Variants in DLEC1 observed in about 807,000 individuals in gnomAD.
The protein encoded by DLEC1 is DLEC1 cilia and flagella associated protein.
DLEC1 carries 146 observed loss-of-function variants against 198.1 expected under a neutral mutation model. The observed-to-expected ratio is 0.74, with a 90% CI of 0.64 to 0.85. The LOEUF is 0.85. Ranked by LOEUF, DLEC1 falls within the 40% of genes least tolerant of loss-of-function variation. DLEC1 has a pLI of 0.00. For synonymous variants in DLEC1, 897 were observed against 866.8 expected, an observed-to-expected ratio of 1.03 and a Z score of -0.61; for missense variants, 2,233 against 2,220.0, an observed-to-expected ratio of 1.01 and a Z score of -0.12.
rs766441689 is a variant in DLEC1, at chr3:38,117,028, G to C, written c.4233G>C (p.Val1411=). 3.7e-6 allele frequency: 6 copies of C among 1,614,064 alleles called. No homozygotes were observed. In the Admixed American group the frequency reaches 1.0e-4, roughly 27 times the overall value. The change falls in exon 30 of 37, where the codon GTG becomes GTC. Residue 1411 remains valine (V), a synonymous_variant. Transcript: ENST00000308059. ...TCTACATCTCCTTCACCCCTATGGT[G>C]CTCAGCCCTGAGATCCTGCACAAGG... The part of the protein sequence containing the change: ...STIYISFTPM[V]LSPEILHKVE...
intron 18 of DLEC1, among the ~76,000 whole-genome samples, chr3:38,098,710 A>G (rs1047741264): frequency 6.6e-6 from 1 of 152,120 alleles, no homozygotes; most frequent in Non-Finnish European, 1.5e-5. Flanking sequence ...CCCAGGGAAG[A>G]CAATCCAAGC....
chr3:38,090,288 G>T (rs1344432843), intron 10 of DLEC1, among the ~76,000 whole-genome samples: 1 of 152,182 alleles, frequency 6.6e-6, no homozygotes, highest in Non-Finnish European at 1.5e-5. Flanking sequence ...GCCATCCAGA[G>T]GCCATACCTG....
At chr3:38,043,745 G>A (rs1227856110) in intron 1 of DLEC1, among the ~76,000 whole-genome samples, 3 of 152,036 alleles carry the variant, frequency 2.0e-5, no homozygotes, top group South Asian at 2.1e-4. Context: ...CCAGGCTGCA[G>A]TGCAATGGCA....
At chr3:38,041,571 G>A (rs566042053) in intron 1 of DLEC1, among the ~76,000 whole-genome samples, 2 of 152,002 alleles carry the variant, frequency 1.3e-5, no homozygotes, top group Non-Finnish European at 2.9e-5. Context: ...CTATGCGGCC[G>A]GGCGTGGTGG....
In DLEC1 at chr3:38,062,242, C is replaced by T. The variant is rs765051280; in HGVS notation, c.747C>T (p.Asn249=). Residue 249 remains asparagine, a synonymous_variant, in exon 4 of 37, where the codon AAC becomes AAT. Transcript: ENST00000308059. Reference sequence around the variant, plus strand: ...GTTCCGTCCAGAAGAAAGAGCTGAACAAGAAGCTTGAAGATTCATGCAGGA... The same window carrying T: ...GTTCCGTCCAGAAGAAAGAGCTGAATAAGAAGCTTGAAGATTCATGCAGGA... The part of the protein sequence containing the change: ...EKRSVQKKEL[N]KKLEDSCRKK... 4 of 1,614,214 alleles carry T rather than the reference C, an allele frequency of 2.5e-6. 1 individual carries two copies. The East Asian group carries it at 8.9e-5, about 36-fold the overall frequency.
At chr3:38,099,647 C>T (rs202173) in intron 18 of DLEC1, among the ~76,000 whole-genome samples, 1 of 152,126 alleles carries the variant, frequency 6.6e-6, no homozygotes. Flanking sequence ...AGTGTCCTCT[C>T]TCAGTCAGGG....
chr3:38,087,697 G>T (rs1442557831), intron 9 of DLEC1, among the ~76,000 whole-genome samples: 3 of 152,260 alleles, frequency 2.0e-5, no homozygotes, highest in African/African-American at 7.2e-5. Context: ...GATACATCTA[G>T]AGGATGACAT....
rs1273964924 is a variant in DLEC1 at position 38,039,919 on chromosome 3, G to T, written c.411+283G>T. ...TTATATATTGCATATATCAATGAAC[G>T]ACTGCGGCAGACCGCTGAATAGTTG... On this transcript the variant is annotated intron_variant, in intron 1 of 36. Transcript: ENST00000308059. Among the ~76,000 whole-genome samples, 3 of 152,208 alleles carry T rather than the reference G, an allele frequency of 2.0e-5. No homozygotes were observed. The South Asian group carries it at 6.2e-4, about 32-fold the overall frequency.
rs751874598 is a variant in DLEC1, at chr3:38,039,375, CT to C, written c.151del (p.Tyr51ThrfsTer63). 2.5e-6 allele frequency: 4 copies of C among 1,614,240 alleles called. No homozygotes were observed. In the South Asian group the frequency reaches 4.4e-5, roughly 18 times the overall value. On this transcript the variant is annotated frameshift_variant, in exon 1 of 37. Transcript: ENST00000308059. LOFTEE classifies it high-confidence loss of function. ...WKSSLYSSLAYSEAFHYSFAA... is the reference protein window; with the variant it reads ...WKSSLYSSLAXSEAFHYSFAA... ...AGTCCTCCTTGTATTCCTCCCTCGC[CT>C]ACTCTGAGGCCTTCCACTACAGCTT...
chr3:38,104,482 A>AT lies in DLEC1; in HGVS notation c.2865-3089dup, dbSNP rs1325721484. ...CCCCACCCCATCCCCCCAAAAAAAG[A>AT]TTTTTTTTTTTTTCTCAGTTTTGGT... On this transcript the variant is annotated intron_variant, in intron 19 of 36. Transcript: ENST00000308059. Among the ~76,000 whole-genome samples, 293 of 144,288 alleles carry AT rather than the reference A, an allele frequency of 2.0e-3. 1 individual carries two copies. Among genetic ancestry groups the AT allele is most frequent in the Admixed American group, 4.7e-3 (68 of 14,440 alleles). The allele number at this position is 144,288 out of a possible 152,430, so 94.7% of individuals were successfully genotyped here.
chr3:38,102,906 C>T (rs3792523), intron 19 of DLEC1, among the ~76,000 whole-genome samples: 15,239 of 152,216 alleles, frequency 0.1, 968 homozygotes, highest in East Asian at 0.23. Flanking sequence ...TCTGCCCTGG[C>T]CTCTCTCCAG....
intron 2 of DLEC1, among the ~76,000 whole-genome samples, chr3:38,056,915 A>G (rs1696401244): frequency 6.6e-6 from 1 of 152,240 alleles, no homozygotes; most frequent in Admixed American, 6.5e-5. Context: ...GTGATCAGCA[A>G]ATTAGAGCCA....
At chr3:38,060,309 C>T (rs1040031354) in intron 3 of DLEC1, among the ~76,000 whole-genome samples, 6 of 152,130 alleles carry the variant, frequency 3.9e-5, no homozygotes, top group African/African-American at 1.4e-4. Flanking sequence ...ATGTATGTGA[C>T]ATTGGGCCAG....
At chr3:38,077,964 T>C (rs1315888474) in intron 6 of DLEC1, among the ~76,000 whole-genome samples, 1 of 152,196 alleles carries the variant, frequency 6.6e-6, no homozygotes, top group Non-Finnish European at 1.5e-5. Flanking sequence ...GCTAGTGGCT[T>C]GTACTATAGC....
intron 10 of DLEC1, among the ~76,000 whole-genome samples, chr3:38,088,760 T>G (rs756621550): frequency 6.6e-6 from 1 of 152,034 alleles, no homozygotes; most frequent in Non-Finnish European, 1.5e-5. Flanking sequence ...ATTATTGCGG[T>G]TATTGTGGCT....
At chr3:38,087,441 C>T (rs1241638305) in intron 9 of DLEC1, among the ~76,000 whole-genome samples, 1 of 139,186 alleles carries the variant, frequency 7.2e-6, no homozygotes, top group Non-Finnish European at 1.6e-5. Context: ...CTGACACCAT[C>T]CATCAGCATG....
intron 6 of DLEC1, among the ~76,000 whole-genome samples, chr3:38,072,873 T>C (rs112639671): frequency 0.061 from 9,275 of 152,038 alleles, 362 homozygotes; most frequent in Middle Eastern, 0.12. Flanking sequence ...GGAGAATAAA[T>C]GTTGAAGGAG....
At chr3:38,078,214 A>G (rs1037872358) in intron 6 of DLEC1, among the ~76,000 whole-genome samples, 1 of 152,224 alleles carries the variant, frequency 6.6e-6, no homozygotes, top group Middle Eastern at 3.2e-3. Flanking sequence ...GAGTGAGTAC[A>G]GCTGAAGGAG....
Position 38,120,401 on chromosome 3 carries a change from A to C in DLEC1, c.4705-47A>C, listed in dbSNP as rs1265373051. The C allele has an allele frequency of 2.5e-6, 4 of 1,606,824 alleles. No individual in the cohort carries two copies. In the Middle Eastern group the frequency reaches 5.0e-4, roughly 202 times the overall value. ...TGGAGCTCCAGGTGGGGAAGTGGCCACCTGCCCTCTGCAGCCGGAGTTGAC... is the reference window on the plus strand; with the variant it reads ...TGGAGCTCCAGGTGGGGAAGTGGCCCCCTGCCCTCTGCAGCCGGAGTTGAC... On this transcript the variant is annotated intron_variant, in intron 33 of 36. Transcript: ENST00000308059.
Sources: allele counts gnomAD v4.1 joint callset (sites outside exome capture counted in the v4.1 genomes callset), GRCh38; gene constraint gnomAD v4.1.1; transcripts MANE v1.5; gene names NCBI Gene and HGNC (gene_info 2026-07-23, HGNC 2026-07-21).